FGR: variants seen among roughly 807,000 people sequenced by gnomAD.
FGR encodes the protein FGR proto-oncogene, Src family tyrosine kinase.
FGR carries 26 observed loss-of-function variants against 63.2 expected under a neutral mutation model. The ratio of observed to expected loss-of-function variants is 0.41; its 90% CI spans 0.30 to 0.57. The LOEUF is 0.57. FGR is among the 20% of genes least tolerant of loss of function. FGR has a pLI of 0.27. For synonymous variants in FGR, 286 were observed against 277.7 expected (o/e 1.03, Z -0.30); for missense variants, 511 against 690.8 (o/e 0.74, Z 2.92).
chr1:27,631,456 C>G (rs1051666411), intron 1 of FGR, among the ~76,000 whole-genome samples: 2 of 152,362 alleles, frequency 1.3e-5, no homozygotes, highest in Admixed American at 1.3e-4. Context: ...CACCAAGTAT[C>G]TGTGGGATCT....
chr1:27,615,643 C>G lies in FGR; in HGVS notation c.839-30G>C. Reference sequence around the variant, plus strand: ...TCGGAGGCTGTCTTGTCAGGACCCTCTCCCCCGAGCCCAGGCCCTCGTCCC... The same window carrying G: ...TCGGAGGCTGTCTTGTCAGGACCCTGTCCCCCGAGCCCAGGCCCTCGTCCC... On this transcript the variant is annotated intron_variant, in intron 8 of 12. Transcript: ENST00000374005. This position sits in a 1 kb window ranked among gnomAD's most constrained non-coding sequence, Gnocchi z 7.6. The G allele has an allele frequency of 6.3e-7, 1 of 1,595,716 alleles. No homozygotes were observed. Among genetic ancestry groups the G allele is most frequent in the Non-Finnish European group, 8.6e-7 (1 of 1,165,494 alleles).
At chr1:27,633,536 A>G (rs2090136008) in intron 1 of FGR, among the ~76,000 whole-genome samples, 1 of 152,196 alleles carries the variant, frequency 6.6e-6, no homozygotes, top group African/African-American at 2.4e-5. Context: ...CCTGTCAGTG[A>G]GAGCCGGGCA....
Position 27,617,356 on chromosome 1 carries a change from T to G in FGR, c.429-60A>C. ...CTGCTCAAACCTCACCTCAGCCTCC[T>G]GCACAGTCACCTCACAAGCCAAGAC... On this transcript the variant is annotated intron_variant, in intron 5 of 12. Coordinates refer to ENST00000374005, the MANE Select transcript of FGR (RefSeq NM_005248.3). The surrounding 1 kb of genome is among the most constrained non-coding windows in gnomAD (Gnocchi z 4.5). The G allele has an allele frequency of 8.2e-7, 1 of 1,215,780 alleles. No homozygotes were observed. Among genetic ancestry groups the G allele is most frequent in the Non-Finnish European group, 1.2e-6 (1 of 821,910 alleles). The allele number at this position is 1,215,780 out of a possible 1,614,324, so 75.3% of individuals were successfully genotyped here.
At chr1:27,626,595 A>G (rs41284280) in intron 1 of FGR, 22,899 of 161,964 alleles carry the variant, frequency 0.14, 4,890 homozygotes, top group African/African-American at 0.48. Context: ...TCATGTGTGT[A>G]TTGGGTGGGG....
chr1:27,621,174 G>A (rs912163929), intron 5 of FGR, among the ~76,000 whole-genome samples: 1 of 151,876 alleles, frequency 6.6e-6, no homozygotes, highest in African/African-American at 2.4e-5. Context: ...TTACTGGGAG[G>A]CAATATGTGT....
In FGR at chr1:27,612,124, A is replaced by G. The variant is rs964165411; in HGVS notation, c.*790T>C. 4 of 152,232 alleles carry G rather than the reference A, an allele frequency of 2.6e-5. No homozygotes were observed. The highest frequency in any genetic ancestry group is 9.7e-5 in the African/African-American group (4 of 41,450). 9.4% of individuals were successfully genotyped at this position (152,232 alleles called of 1,614,324 possible). A position where few individuals can be genotyped will look rare whatever the true frequency, so the allele number is the denominator to read the frequency against. On this transcript the variant is annotated 3_prime_UTR_variant, in exon 13 of 13. Coordinates refer to ENST00000374005, the MANE Select transcript of FGR (RefSeq NM_005248.3). ...CTGCTTGTCTTCTAAACTCACGTGC[A>G]GATGAGCAGTGGGACTCTGGGTGTT...
chr1:27,620,959 T>C (rs2089909123), intron 5 of FGR, among the ~76,000 whole-genome samples: 1 of 109,446 alleles, frequency 9.1e-6, no homozygotes, highest in Non-Finnish European at 1.7e-5. Context: ...TACACTACAC[T>C]CTAGCCTAGG....
chr1:27,627,126 TG>T (rs746789310), intron 1 of FGR, among the ~76,000 whole-genome samples: 28 of 152,118 alleles, frequency 1.8e-4, no homozygotes, highest in Non-Finnish European at 3.7e-4. Context: ...GAGCTGTGAT[TG>T]CACCGCTGCA....
In FGR at chr1:27,617,072, C is replaced by G; in HGVS notation, c.533-66G>C. ...CCTAGTCTGGGAGCTGGGAGAGGCC[C>G]GACAGCAGCATCCCTAGGACCTGGT... is the stretch of plus-strand genomic sequence containing the variant. On this transcript the variant is annotated intron_variant, in intron 6 of 12. Coordinates refer to ENST00000374005, the MANE Select transcript of FGR (RefSeq NM_005248.3). The surrounding 1 kb of genome is among the most constrained non-coding windows in gnomAD (Gnocchi z 4.5). The G allele has an allele frequency of 6.2e-7, 1 of 1,607,452 alleles. No homozygotes were observed. The highest frequency in any genetic ancestry group is 2.2e-5 in the East Asian group (1 of 44,774).
At position 27,623,249 on chromosome 1, in the gene FGR, C is replaced by T. The variant is rs145117244; in HGVS notation, c.227-105G>A. The T allele has an allele frequency of 5.7e-4, 447 of 788,004 alleles. No homozygotes were observed. In the East Asian group the frequency reaches 0.011, roughly 19 times the overall value. The allele number at this position is 788,004 out of a possible 1,614,324, so 48.8% of individuals were successfully genotyped here. On this transcript the variant is annotated intron_variant, in intron 3 of 12. Coordinates refer to ENST00000374005, the MANE Select transcript of FGR (RefSeq NM_005248.3). The stretch of plus-strand genomic sequence containing the variant: ...CAGCCAGGTGCTGCACCTCCCCACT[C>T]CTTTAGTGCTCTGGTTCCCAAAGGC...
Position 27,615,713 on chromosome 1 carries a change from C to A in FGR, c.814G>T (p.Gly272Cys). 6.2e-7 allele frequency: 1 copy of A among 1,605,894 alleles called. No individual in the cohort carries two copies. The highest frequency in any genetic ancestry group is 8.5e-7 in the Non-Finnish European group (1 of 1,174,580). The change falls in exon 8 of 13, where the codon GGC (glycine) becomes TGC (cysteine). Residue 272 changes from glycine (G) to cysteine (C), a missense_variant. Physicochemically the swap from Gly to Cys is radical, Grantham distance 159. Transcript: ENST00000374005. The surrounding 1 kb of genome is among the most constrained non-coding windows in gnomAD (Gnocchi z 7.6). The stretch of plus-strand genomic sequence containing the variant: ...CCCAGCCACACATCCCCGAAGCAGC[C>A]GGTGCCCAGCCGGCGCTCCAGCGTG... ...SITLERRLGT[G>C]CFGDVWLGTW...
At chr1:27,634,477 C>G (rs943532988) in intron 1 of FGR, among the ~76,000 whole-genome samples, 14 of 152,188 alleles carry the variant, frequency 9.2e-5, no homozygotes, top group African/African-American at 3.4e-4. Context: ...CGTTACCCTG[C>G]GGGCTGTGGG....
At chr1:27,619,693 T>A (rs2089884083) in intron 5 of FGR, among the ~76,000 whole-genome samples, 1 of 152,262 alleles carries the variant, frequency 6.6e-6, no homozygotes, top group South Asian at 2.1e-4. Context: ...CACAACCTAA[T>A]CGAATTGCTG....
rs906097695 is a variant in FGR at position 27,622,385 on chromosome 1, C to T, written c.329+657G>A. ...TCTGCATCCCATATTTTATGAACCA[C>T]CTAAGGTGAACCACTTTGTGGTTTC... is the stretch of plus-strand genomic sequence containing the variant. On this transcript the variant is annotated intron_variant, in intron 4 of 12. Coordinates refer to ENST00000374005, the MANE Select transcript of FGR (RefSeq NM_005248.3). Among the ~76,000 whole-genome samples, 3 of 152,054 alleles carry T rather than the reference C, an allele frequency of 2.0e-5. No homozygotes were observed. In the East Asian group the frequency reaches 5.8e-4, roughly 29 times the overall value.
intron 1 of FGR, among the ~76,000 whole-genome samples, chr1:27,632,916 C>T (rs565333285): frequency 4.7e-4 from 72 of 152,208 alleles, no homozygotes; most frequent in Non-Finnish European, 8.7e-4. Context: ...GAGCCCTGGC[C>T]CCTACTTCCC....
At chr1:27,626,059 C>T (rs530805209) in intron 1 of FGR, 2 of 398,824 alleles carry the variant, frequency 5.0e-6, no homozygotes, top group Non-Finnish European at 8.8e-6. Context: ...CGGAGCTCTC[C>T]TCCTATCCCC....
intron 5 of FGR, among the ~76,000 whole-genome samples, chr1:27,621,129 C>G (rs2089917901): frequency 6.6e-6 from 1 of 151,554 alleles, no homozygotes; most frequent in Non-Finnish European, 1.5e-5. Context: ...TTTTTCAGCA[C>G]TTTACAATTT....
At chr1:27,614,722 C>CAGGCACAGCTGG in intron 10 of FGR, 128 bp downstream of exon 10, 1 of 1,333,538 alleles carries the variant, frequency 7.5e-7, no homozygotes, top group Non-Finnish European at 1.0e-6. Context: ...CAGTACCTCT[C>CAGGCACAGCTGG]AGGCACAGCT....
Position 27,612,881 on chromosome 1 carries a change from G to A in FGR, c.*33C>T. ...CTCTGGGGATTGGCAAGGACTGGTG[G>A]CCACCGCCAGAGAGGGTTGATGCCC... is the stretch of plus-strand genomic sequence containing the variant. On this transcript the variant is annotated 3_prime_UTR_variant, in exon 13 of 13. Coordinates refer to ENST00000374005, the MANE Select transcript of FGR (RefSeq NM_005248.3). 6.3e-7 allele frequency: 1 copy of A among 1,589,778 alleles called. No individual in the cohort carries two copies. The highest frequency in any genetic ancestry group is 8.6e-7 in the Non-Finnish European group (1 of 1,163,476).
Sources: gnomAD v4.1 joint callset for allele counts (sites outside exome capture counted in the v4.1 genomes callset) on GRCh38, gnomAD v4.1.1 for gene constraint, Gnocchi (gnomAD v3.1) non-coding constraint, MANE v1.5 for transcripts, NCBI Gene and HGNC (gene_info 2026-07-23, HGNC 2026-07-21) for gene names.